LOXHD1: variants seen among roughly 807,000 people sequenced by gnomAD.
The protein encoded by LOXHD1 is lipoxygenase homology domain-containing protein 1.
LOXHD1 carries 205 observed loss-of-function variants against 248.2 expected under a neutral mutation model. The observed-to-expected ratio is 0.83, with a 90% CI of 0.74 to 0.93. LOXHD1 has a LOEUF of 0.93. Among genes scored for constraint, LOXHD1 ranks in the 40% least tolerant of loss-of-function variants. The pLI is 0.00. For synonymous variants in LOXHD1, 1,113 were observed against 1,162.8 expected, an observed-to-expected ratio of 0.96 and a Z score of 0.87; for missense variants, 2,930 against 2,971.6, an observed-to-expected ratio of 0.99 and a Z score of 0.33.
chr18:46,521,548 A>C (rs1271499355), intron 32 of LOXHD1, among the ~76,000 whole-genome samples: 3 of 152,238 alleles, frequency 2.0e-5, no homozygotes, highest in Admixed American at 1.3e-4. Flanking sequence ...TTGAAGCAGA[A>C]GAGGTTGTCT....
intron 33 of LOXHD1, among the ~76,000 whole-genome samples, chr18:46,518,583 C>A (rs998498513): frequency 6.6e-6 from 1 of 152,244 alleles, no homozygotes; most frequent in Non-Finnish European, 1.5e-5. Flanking sequence ...GGTGGCAGGA[C>A]AGTGGCCTTT....
At chr18:46,560,989 T>A (rs1050491536) in intron 18 of LOXHD1, among the ~76,000 whole-genome samples, 2 of 152,224 alleles carry the variant, frequency 1.3e-5, no homozygotes, top group Non-Finnish European at 2.9e-5. Flanking sequence ...TTTCATCACT[T>A]TTTTTAACTT....
At chr18:46,628,536 C>T (rs1478396860) in intron 4 of LOXHD1, among the ~76,000 whole-genome samples, 1 of 152,188 alleles carries the variant, frequency 6.6e-6, no homozygotes, top group Admixed American at 6.5e-5. Context: ...TCCCTGCTGG[C>T]TTTAACAGCA....
At chr18:46,509,302 G>T (rs1455405757) in intron 35 of LOXHD1, among the ~76,000 whole-genome samples, 1 of 152,072 alleles carries the variant, frequency 6.6e-6, no homozygotes, top group Non-Finnish European at 1.5e-5. Flanking sequence ...TGATCACAGA[G>T]GCCCCAGTAA....
At chr18:46,565,229 C>T (rs1430640681) in intron 17 of LOXHD1, among the ~76,000 whole-genome samples, 5 of 151,022 alleles carry the variant, frequency 3.3e-5, no homozygotes, top group Admixed American at 2.6e-4. Context: ...CCACTGCACT[C>T]CAGCCTGGGC....
chr18:46,624,318 G>A (rs2038709448), intron 4 of LOXHD1, among the ~76,000 whole-genome samples: 1 of 152,228 alleles, frequency 6.6e-6, no homozygotes, highest in African/African-American at 2.4e-5. Flanking sequence ...GAGAGATTCA[G>A]CGGGGGCTGC....
intron 34 of LOXHD1, among the ~76,000 whole-genome samples, chr18:46,513,736 G>A (rs1480142171): frequency 6.6e-6 from 1 of 152,238 alleles, no homozygotes; most frequent in Non-Finnish European, 1.5e-5. Flanking sequence ...GGAAAAATGA[G>A]AGAAGAAAAT....
intron 23 of LOXHD1, among the ~76,000 whole-genome samples, chr18:46,543,765 T>C (rs1157338318): frequency 6.6e-6 from 1 of 151,956 alleles, no homozygotes; most frequent in East Asian, 1.9e-4. Flanking sequence ...CGGGAGACAG[T>C]GGTGGAGCTC....
chr18:46,604,661 C>G (rs2038387045), intron 6 of LOXHD1, among the ~76,000 whole-genome samples: 3 of 152,148 alleles, frequency 2.0e-5, no homozygotes, highest in Admixed American at 2.0e-4. Context: ...CTGCAAGCCC[C>G]ACATCAGGCA....
intron 20 of LOXHD1, 166 bp downstream of exon 20, chr18:46,559,282 C>T: frequency 6.5e-7 from 1 of 1,537,378 alleles, no homozygotes; most frequent in Non-Finnish European, 8.7e-7. Context: ...ATAACCCCTC[C>T]ACAAAGTATC....
chr18:46,488,921 TC>T, intron 38 of LOXHD1, 50 bp downstream of exon 38: 2 of 1,530,144 alleles, frequency 1.3e-6, no homozygotes, highest in Non-Finnish European at 8.8e-7. Context: ...GTCTTCTTAT[TC>T]CAGCACCATT....
At chr18:46,537,395 T>G (rs1302802192) in intron 26 of LOXHD1, among the ~76,000 whole-genome samples, 1 of 152,174 alleles carries the variant, frequency 6.6e-6, no homozygotes, top group Non-Finnish European at 1.5e-5. Flanking sequence ...CCTATGACAG[T>G]GCCCTCTGAC....
chr18:46,497,356 A>G (rs1475369661), intron 37 of LOXHD1, among the ~76,000 whole-genome samples: 1 of 152,184 alleles, frequency 6.6e-6, no homozygotes, highest in African/African-American at 2.4e-5. Context: ...CCTCTTTCAG[A>G]TTTTGACCGT....
chr18:46,538,818 G>A lies in LOXHD1; in HGVS notation c.3914-481C>T, dbSNP rs549784239. Among the ~76,000 whole-genome samples the A allele has an allele frequency of 4.6e-5, 7 of 152,226 alleles. No individual in the cohort carries two copies. In the South Asian group the frequency reaches 6.2e-4, roughly 14 times the overall value. On this transcript the variant is annotated intron_variant, in intron 25 of 40. Coordinates refer to ENST00000642948, the MANE Select transcript of LOXHD1 (RefSeq NM_001384474.1). ...TTGCTGACTGGATCGGCCAGTCTAC[G>A]GTAGTGAGCATTCTTTCACTCTTCT...
At position 46,569,507 on chromosome 18, in the gene LOXHD1, GGTT is replaced by G; in HGVS notation, c.2176_2178del (p.Asn726del). On this transcript the variant is annotated inframe_deletion, in exon 16 of 41. Coordinates refer to ENST00000642948, the MANE Select transcript of LOXHD1 (RefSeq NM_001384474.1). ...CGGCCACGTTCAAAGTAGTCTTTGAGGTTGTTGTCAGAGACAAGAAGAACTTGC... is the reference window on the plus strand; with the variant it reads ...CGGCCACGTTCAAAGTAGTCTTTGAGGTTGTCAGAGACAAGAAGAACTTGC... The G allele has an allele frequency of 6.4e-7, 1 of 1,552,160 alleles. No homozygotes were observed. Among genetic ancestry groups the G allele is most frequent in the East Asian group, 2.4e-5 (1 of 40,924 alleles).
chr18:46,498,755 T>C (rs2034034442), intron 37 of LOXHD1, among the ~76,000 whole-genome samples: 1 of 152,218 alleles, frequency 6.6e-6, no homozygotes, highest in Admixed American at 6.5e-5. Context: ...ATCTCAAGAT[T>C]CTTAACTAAG....
At chr18:46,620,564 A>T (rs73431162) in intron 4 of LOXHD1, among the ~76,000 whole-genome samples, 3,444 of 152,304 alleles carry the variant, frequency 0.023, 142 homozygotes, top group African/African-American at 0.078. Flanking sequence ...TCACCAAAGG[A>T]AAGATTTTGT....
At position 46,559,532 on chromosome 18, in the gene LOXHD1, T is replaced by G; in HGVS notation, c.3132A>C (p.Leu1044=). ...CTCCATACTCCTCGCCGTAGATGGT[T>G]AGGTAGACGTTAGCATCAGTGCCGG... ...PKAGTDANVY[L]TIYGEEYGDT... is the part of the protein sequence containing the mutation. Residue 1044 remains leucine, a synonymous_variant, in exon 20 of 41, where the codon CTA becomes CTC. Transcript: ENST00000642948. 6.4e-7 allele frequency: 1 copy of G among 1,551,990 alleles called. No individual in the cohort carries two copies. Among genetic ancestry groups the G allele is most frequent in the Non-Finnish European group, 8.7e-7 (1 of 1,147,054 alleles).
chr18:46,570,816 C>T (rs2037736932), intron 15 of LOXHD1, among the ~76,000 whole-genome samples: 1 of 152,208 alleles, frequency 6.6e-6, no homozygotes, highest in Admixed American at 6.5e-5. Flanking sequence ...ACATTCAAAG[C>T]CGTCGTGGGC....
Sources: gnomAD v4.1 joint callset for allele counts (sites outside exome capture counted in the v4.1 genomes callset) on GRCh38, gnomAD v4.1.1 for gene constraint, MANE v1.5 for transcripts, NCBI Gene and HGNC (gene_info 2026-07-23, HGNC 2026-07-21) for gene names.